The following TENM3 variants were observed in gnomAD, a reference collection of about 807,000 sequenced individuals.
The protein encoded by TENM3 is teneurin transmembrane protein 3, also known as teneurin-3.
Under a neutral mutation model 255.1 loss-of-function variants are expected in TENM3, and 63 were observed. The ratio of observed to expected loss-of-function variants is 0.25; its 90% CI spans 0.20 to 0.30. The LOEUF (loss-of-function observed/expected upper bound fraction) is 0.30. Ranked by LOEUF, TENM3 falls within the 10% of genes least tolerant of loss-of-function variation. TENM3 has a pLI of 1.00. For missense variants in TENM3, 2,929 were observed against 3,461.1 expected (o/e 0.85, Z 3.86); for synonymous variants, 1,306 against 1,322.3 (o/e 0.99, Z 0.27).
chr4:181,897,998 A>G, the TENM3 span, among the ~76,000 whole-genome samples: 1 of 152,140 alleles, frequency 6.6e-6, no homozygotes, highest in Non-Finnish European at 1.5e-5. Flanking sequence ...GAGCCATATG[A>G]CTCACCAACA....
chr4:181,463,674 C>T, the TENM3 span, among the ~76,000 whole-genome samples: 1 of 152,114 alleles, frequency 6.6e-6, no homozygotes, highest in South Asian at 2.1e-4. Context: ...ATAACATTTA[C>T]CTTTTTTGAA....
At chr4:182,142,769 G>A, upstream of TENM3, 1 of 164,514 alleles carries the variant, frequency 6.1e-6, no homozygotes. Context: ...AGAGGGCGGG[G>A]AGATGCTCGG....
At chr4:181,662,956 C>T in the TENM3 span, among the ~76,000 whole-genome samples, 37 of 152,132 alleles carry the variant, frequency 2.4e-4, no homozygotes, top group African/African-American at 8.0e-4. Context: ...GATAAAACTG[C>T]CATAGTTTTT....
At chr4:181,962,707 C>A in the TENM3 span, among the ~76,000 whole-genome samples, 17 of 152,148 alleles carry the variant, frequency 1.1e-4, no homozygotes, top group African/African-American at 4.1e-4. Context: ...CAAAGTAAAG[C>A]CTACAGTCAC....
At chr4:181,629,841 G>A in the TENM3 span, among the ~76,000 whole-genome samples, 1 of 152,158 alleles carries the variant, frequency 6.6e-6, no homozygotes, top group Admixed American at 6.6e-5. Flanking sequence ...TCAGGATGAT[G>A]CCGACCTCAT....
intron 3 of TENM3, among the ~76,000 whole-genome samples, chr4:182,496,596 G>C (rs975393279): frequency 6.6e-6 from 1 of 152,156 alleles, no homozygotes; most frequent in African/African-American, 2.4e-5. Flanking sequence ...GTAAATTTTA[G>C]TGCCATGCAT....
the TENM3 span, among the ~76,000 whole-genome samples, chr4:181,796,352 G>T: frequency 1.3e-5 from 2 of 152,196 alleles, no homozygotes; most frequent in African/African-American, 2.4e-5. Flanking sequence ...GACACATACT[G>T]CTGGAAAAGC....
the TENM3 span, among the ~76,000 whole-genome samples, chr4:181,832,791 C>G: frequency 1.3e-5 from 2 of 152,102 alleles, no homozygotes; most frequent in Non-Finnish European, 2.9e-5. Context: ...TTAGCAGGAA[C>G]GGGGTGGCAT....
At chr4:182,000,383 G>C in the TENM3 span, among the ~76,000 whole-genome samples, 7 of 151,896 alleles carry the variant, frequency 4.6e-5, no homozygotes, top group African/African-American at 7.2e-5. Context: ...GCCAAGAATC[G>C]GTTCTCCCAA....
the TENM3 span, among the ~76,000 whole-genome samples, chr4:181,750,476 C>T: frequency 1.3e-5 from 2 of 152,148 alleles, no homozygotes; most frequent in Admixed American, 6.6e-5. Context: ...CTGAACTAGG[C>T]AGAGTTAACT....
chr4:182,426,796 G>A lies in TENM3; in HGVS notation c.511+79867G>A, dbSNP rs139868455. On this transcript the variant is annotated intron_variant, in intron 3 of 27. Coordinates refer to ENST00000511685, the MANE Select transcript of TENM3 (RefSeq NM_001080477.4). ...GAACCTACAGTTAATACTTTGACGA[G>A]TATAATTTAAATCATAACTAATTGT... is the stretch of plus-strand genomic sequence containing the variant. 1.9e-3 allele frequency among the ~76,000 whole-genome samples: 287 copies of A among 152,182 alleles called. 1 individual carries two copies. The highest frequency in any genetic ancestry group is 6.4e-3 in the South Asian group (31 of 4,826).
At chr4:182,200,021 A>G (rs983751344) in intron 1 of TENM3, among the ~76,000 whole-genome samples, 27 of 152,116 alleles carry the variant, frequency 1.8e-4, no homozygotes, top group African/African-American at 6.3e-4. Context: ...CACTGTGCCC[A>G]GCCGCATATT....
At chr4:181,904,013 T>G in the TENM3 span, among the ~76,000 whole-genome samples, 1 of 152,338 alleles carries the variant, frequency 6.6e-6, no homozygotes, top group Admixed American at 6.5e-5. Context: ...TGTATCTAAC[T>G]GTCCATTCAA....
In TENM3 at chr4:182,397,398, TAAAAAAAAAAAAA is replaced by T. The variant is rs144177808; in HGVS notation, c.511+50488_511+50500del. ...CCTGGTGACAGAGCGAGACTCCATCTAAAAAAAAAAAAAAAAAAAAAAAAAAAAAAATCAAACA... is the reference window on the plus strand; with the variant it reads ...CCTGGTGACAGAGCGAGACTCCATCTAAAAAAAAAAAAAAAAAATCAAACA... On this transcript the variant is annotated intron_variant, in intron 3 of 27. Coordinates refer to ENST00000511685, the MANE Select transcript of TENM3 (RefSeq NM_001080477.4). 3.7e-4 allele frequency among the ~76,000 whole-genome samples: 18 copies of T among 48,978 alleles called. No individual in the cohort carries two copies. The East Asian group carries it at 3.8e-3, about 10-fold the overall frequency. 32.1% of individuals were successfully genotyped at this position (48,978 alleles called of 152,430 possible).
chr4:182,171,488 G>A (rs1440942320), intron 1 of TENM3, among the ~76,000 whole-genome samples: 1 of 152,096 alleles, frequency 6.6e-6, no homozygotes, highest in Non-Finnish European at 1.5e-5. Flanking sequence ...TTTTTAGACA[G>A]GGTCTCACTC....
the TENM3 span, among the ~76,000 whole-genome samples, chr4:181,956,638 T>C: frequency 2.0e-5 from 3 of 152,192 alleles, no homozygotes; most frequent in Non-Finnish European, 4.4e-5. Context: ...AGTTACAAGA[T>C]GTTTCTTTGA....
the TENM3 span, among the ~76,000 whole-genome samples, chr4:181,992,898 A>C: frequency 6.6e-6 from 1 of 152,190 alleles, no homozygotes; most frequent in Non-Finnish European, 1.5e-5. Flanking sequence ...AATATAGTTT[A>C]AGTGGCTCTA....
chr4:181,673,845 G>GGTGTGTGTAT, the TENM3 span, among the ~76,000 whole-genome samples: 9 of 137,350 alleles, frequency 6.6e-5, no homozygotes, highest in African/African-American at 1.1e-4. Context: ...AGAAGTGTGT[G>GGTGTGTGTAT]GTGTGTGTGT....
At chr4:182,431,973 G>T (rs909096791) in intron 3 of TENM3, among the ~76,000 whole-genome samples, 2 of 151,862 alleles carry the variant, frequency 1.3e-5, no homozygotes, top group Admixed American at 1.3e-4. Flanking sequence ...TTACTCAGGA[G>T]GCTGTGGCAG....
Sources: gnomAD v4.1 joint callset for allele counts (sites outside exome capture counted in the v4.1 genomes callset) on GRCh38, gnomAD v4.1.1 for gene constraint, MANE v1.5 for transcripts, NCBI Gene and HGNC (gene_info 2026-07-23, HGNC 2026-07-21) for gene names.